The following JAK1 variants were observed in gnomAD, a reference collection of about 807,000 sequenced individuals.
JAK1 encodes tyrosine-protein kinase JAK1.
In JAK1, 16 loss-of-function variants were observed where a neutral mutation model predicts 136.6. The ratio of observed to expected loss-of-function variants is 0.12; its 90% CI spans 0.08 to 0.18. JAK1 has a LOEUF of 0.18. Among genes scored for constraint, JAK1 ranks in the 10% least tolerant of loss-of-function variants. JAK1 has a pLI of 1.00. For synonymous variants in JAK1, 492 were observed against 519.5 expected (o/e 0.95, Z 0.72); for missense variants, 859 against 1,450.1 (o/e 0.59, Z 6.62).
chr1:64,878,954 G>A (rs1644725406), intron 4 of JAK1, 71 bp downstream of exon 4: 3 of 1,467,354 alleles, frequency 2.0e-6, no homozygotes, highest in Non-Finnish European at 2.8e-6. Flanking sequence ...AAGTGACTCA[G>A]GGCTCCAGGC....
At chr1:65,056,419 CAA>C (rs1647541910) in intron 1 of JAK1, among the ~76,000 whole-genome samples, 1 of 152,096 alleles carries the variant, frequency 6.6e-6, no homozygotes, top group Admixed American at 6.5e-5. Context: ...AAGGGAACTG[CAA>C]TCACCAGCAA....
intron 1 of JAK1, among the ~76,000 whole-genome samples, chr1:65,045,277 G>C (rs1454805265): frequency 1.3e-4 from 20 of 152,140 alleles, no homozygotes. Flanking sequence ...CATATAGCAA[G>C]TCTAATGAAT....
At chr1:64,845,411 G>C in intron 15 of JAK1, 102 bp downstream of exon 15, 1 of 1,356,604 alleles carries the variant, frequency 7.4e-7, no homozygotes, top group Admixed American at 1.7e-5. Flanking sequence ...GGAACCCAAG[G>C]ACAGGCCCCT....
At position 64,838,158 on chromosome 1, in the gene JAK1, TTATC is replaced by T. The variant is rs1654611326; in HGVS notation, c.2968-58_2968-55del. ...ATTGCTAAAGTCACTTTAGATTGTATTATCTATCACTTCATCAGAAAAAATAGAA... is the reference window on the plus strand; with the variant it reads ...ATTGCTAAAGTCACTTTAGATTGTATTATCACTTCATCAGAAAAAATAGAA... On this transcript the variant is annotated intron_variant, in intron 21 of 24. Transcript: ENST00000342505. 4.7e-6 allele frequency: 7 copies of T among 1,499,502 alleles called. No homozygotes were observed. In the African/African-American group the frequency reaches 7.0e-5, roughly 15 times the overall value. 92.9% of individuals were successfully genotyped at this position (1,499,502 alleles called of 1,614,324 possible). A position where few individuals can be genotyped will look rare whatever the true frequency, so the allele number is the denominator to read the frequency against.
chr1:64,943,503 T>C (rs1445656315), intron 1 of JAK1, among the ~76,000 whole-genome samples: 1 of 152,194 alleles, frequency 6.6e-6, no homozygotes, highest in Non-Finnish European at 1.5e-5. Context: ...TGATTTTTTG[T>C]GGTAGGACAA....
At chr1:65,025,596 G>A (rs1216281930) in intron 2 of JAK1, among the ~76,000 whole-genome samples, 3 of 152,144 alleles carry the variant, frequency 2.0e-5, no homozygotes, top group African/African-American at 4.8e-5. Context: ...GACCTGGCTC[G>A]AATCCTAGGT....
At chr1:65,009,272 T>C (rs1646828027) in intron 2 of JAK1, among the ~76,000 whole-genome samples, 1 of 152,232 alleles carries the variant, frequency 6.6e-6, no homozygotes. Flanking sequence ...TGATTCCATT[T>C]ATGTTAAAAT....
At chr1:64,848,437 G>T (rs1034763219) in intron 12 of JAK1, among the ~76,000 whole-genome samples, 2 of 152,186 alleles carry the variant, frequency 1.3e-5, no homozygotes, top group African/African-American at 4.8e-5. Flanking sequence ...ACCTGCATTT[G>T]CCCTGGCAAC....
chr1:65,065,184 G>A (rs1647985658), intron 1 of JAK1, among the ~76,000 whole-genome samples: 1 of 152,156 alleles, frequency 6.6e-6, no homozygotes, highest in Non-Finnish European at 1.5e-5. Context: ...GGGCTTAGGT[G>A]GTGATGTCAT....
intron 1 of JAK1, among the ~76,000 whole-genome samples, chr1:64,958,823 T>C (rs954866438): frequency 1.3e-5 from 2 of 152,250 alleles, no homozygotes; most frequent in Admixed American, 1.3e-4. Flanking sequence ...AATAAACTGT[T>C]GTCAGTTCTA....
chr1:65,056,923 TAAAAAAAAAAAA>T (rs57037539), intron 1 of JAK1, among the ~76,000 whole-genome samples: 2 of 118,748 alleles, frequency 1.7e-5, no homozygotes, highest in Admixed American at 9.2e-5. Context: ...ACTCTTTCTT[TAAAAAAAAAAAA>T]AAAAAAAAAA....
At chr1:65,050,597 G>C (rs985051343) in intron 1 of JAK1, among the ~76,000 whole-genome samples, 12 of 152,190 alleles carry the variant, frequency 7.9e-5, no homozygotes, top group African/African-American at 2.7e-4. Context: ...GAAGCCACTA[G>C]AGTGTTTTAA....
chr1:64,861,609 C>A (rs1383986870), intron 8 of JAK1, among the ~76,000 whole-genome samples: 1 of 152,140 alleles, frequency 6.6e-6, no homozygotes, highest in Non-Finnish European at 1.5e-5. Flanking sequence ...CAAAATGACT[C>A]TTTCATAGCC....
chr1:64,966,983 A>C (rs1418508561), upstream of JAK1, among the ~76,000 whole-genome samples: 2 of 152,112 alleles, frequency 1.3e-5, no homozygotes, highest in Non-Finnish European at 1.5e-5. Flanking sequence ...TAGACTAAAA[A>C]GAATTTAACA....
intron 1 of JAK1, among the ~76,000 whole-genome samples, chr1:65,052,592 T>A (rs1277774210): frequency 1.3e-5 from 2 of 151,808 alleles, no homozygotes; most frequent in African/African-American, 4.8e-5. Context: ...GGCGGGCGGA[T>A]CACGAGGTCA....
intron 2 of JAK1, chr1:64,992,761 T>C (rs1971309): frequency 0.099 from 15,027 of 151,806 alleles, 919 homozygotes; most frequent in East Asian, 0.27. Flanking sequence ...TGGTGGCAGG[T>C]GCCTGTAGTC....
chr1:64,870,262 G>A (rs1027153908), intron 5 of JAK1, among the ~76,000 whole-genome samples: 1 of 152,054 alleles, frequency 6.6e-6, no homozygotes, highest in Non-Finnish European at 1.5e-5. Flanking sequence ...CAACAGATGA[G>A]GAATCTAAGG....
chr1:64,884,589 C>T (rs909635178), intron 2 of JAK1, among the ~76,000 whole-genome samples: 11 of 152,318 alleles, frequency 7.2e-5, no homozygotes, highest in Non-Finnish European at 2.9e-5. Flanking sequence ...GCTTGAAACC[C>T]ACAAGGCTGT....
chr1:64,868,600 A>C (rs1329237701), intron 6 of JAK1, among the ~76,000 whole-genome samples: 1 of 152,176 alleles, frequency 6.6e-6, no homozygotes, highest in East Asian at 1.9e-4. Flanking sequence ...TCTGCTCTAG[A>C]CTCTGGTCAA....
Sources: allele counts gnomAD v4.1 joint callset (sites outside exome capture counted in the v4.1 genomes callset), GRCh38; gene constraint gnomAD v4.1.1; transcripts MANE v1.5; gene names NCBI Gene and HGNC (gene_info 2026-07-23, HGNC 2026-07-21).